KIF9: variants seen among roughly 807,000 people sequenced by gnomAD.
The protein encoded by KIF9 is kinesin-like protein KIF9.
In KIF9, 68 loss-of-function variants were observed where a neutral mutation model predicts 94.8. The observed-to-expected ratio is 0.72, with a 90% CI of 0.59 to 0.88. The LOEUF is 0.88. KIF9 is among the 40% of genes least tolerant of loss of function. The probability of loss-of-function intolerance (pLI) is 0.00; values close to 1 mark genes in which losing one functional copy is unlikely to be tolerated. For missense variants in KIF9, 882 were observed against 982.5 expected (o/e 0.90, Z 1.37); for synonymous variants, 343 against 362.1 (o/e 0.95, Z 0.60).
Position 47,228,376 on chromosome 3 carries a change from A to G in KIF9, c.*276T>C. The G allele has an allele frequency of 2.4e-6, 1 of 420,072 alleles. No individual in the cohort carries two copies. Among genetic ancestry groups the G allele is most frequent in the Non-Finnish European group, 4.4e-6 (1 of 229,634 alleles). The allele number at this position is 420,072 out of a possible 1,614,324, so 26.0% of individuals were successfully genotyped here. A position where few individuals can be genotyped will look rare whatever the true frequency, so the allele number is the denominator to read the frequency against. On this transcript the variant is annotated 3_prime_UTR_variant, in exon 21 of 21. Transcript: ENST00000684063. Reference sequence around the variant, plus strand: ...TGTCCTTTCAGACAGGAAATAAGACAAAGTTCTCAGATGAGCACTGAAAGT... The same window carrying G: ...TGTCCTTTCAGACAGGAAATAAGACGAAGTTCTCAGATGAGCACTGAAAGT...
chr3:47,277,431 T>A, intron 1 of KIF9, 52 bp from the exon 2 acceptor site: 1 of 1,187,228 alleles, frequency 8.4e-7, no homozygotes, highest in Non-Finnish European at 1.3e-6. Context: ...AAATAACAAG[T>A]AGAGGAGAGG....
At chr3:47,236,732 A>G in intron 17 of KIF9, 113 bp from the exon 18 acceptor site, 1 of 914,638 alleles carries the variant, frequency 1.1e-6, no homozygotes, top group Non-Finnish European at 1.7e-6. Flanking sequence ...ACAGGAGACC[A>G]CAGGCAGGGC....
intron 16 of KIF9, among the ~76,000 whole-genome samples, chr3:47,241,695 A>G (rs1027704508): frequency 1.3e-5 from 2 of 149,916 alleles, no homozygotes; most frequent in African/African-American, 4.9e-5. Context: ...GCATATATAC[A>G]TATATGCATA....
In KIF9 at chr3:47,241,882, ATATTTTT is replaced by A. The variant is rs1333518343; in HGVS notation, c.1710-874_1710-868del. ...TATATACACATATATATATATATAT[ATATTTTT>A]TTTTTTTTTTCTTTGGAGACAGCAT... On this transcript the variant is annotated intron_variant, in intron 16 of 20. Coordinates refer to ENST00000684063, the MANE Select transcript of KIF9 (RefSeq NM_182902.4). 3.5e-4 allele frequency among the ~76,000 whole-genome samples: 34 copies of A among 97,280 alleles called. 1 individual carries two copies. The highest frequency in any genetic ancestry group is 9.3e-4 in the Admixed American group (7 of 7,524). 63.8% of individuals were successfully genotyped at this position (97,280 alleles called of 152,430 possible). A position where few individuals can be genotyped will look rare whatever the true frequency, so the allele number is the denominator to read the frequency against.
In KIF9 at chr3:47,269,211, G is replaced by A. The variant is rs76227837; in HGVS notation, c.592-1948C>T. Among the ~76,000 whole-genome samples, 1,229 of 152,310 alleles carry A rather than the reference G, an allele frequency of 8.1e-3. 14 individuals are homozygous for A. Among genetic ancestry groups the A allele is most frequent in the African/African-American group, 0.028 (1,159 of 41,582 alleles). On this transcript the variant is annotated intron_variant, in intron 5 of 20. Transcript: ENST00000684063. ...GTGCCCATTGCCTGGGCAACACAGC[G>A]AGAACTTGCATAAAAAAATAAAGAG...
chr3:47,272,934 T>G (rs1261703643), intron 4 of KIF9, among the ~76,000 whole-genome samples: 3 of 152,204 alleles, frequency 2.0e-5, no homozygotes, highest in African/African-American at 7.2e-5. Context: ...ATAACACTTC[T>G]TATAGGACAG....
intron 3 of KIF9, among the ~76,000 whole-genome samples, chr3:47,274,734 A>G (rs1701854985): frequency 6.6e-6 from 1 of 152,244 alleles, no homozygotes; most frequent in Non-Finnish European, 1.5e-5. Context: ...GAGCATCATG[A>G]AAACCAAAAG....
intron 8 of KIF9, 50 bp from the exon 9 acceptor site, chr3:47,264,400 T>C (rs1363336143): frequency 6.8e-7 from 1 of 1,473,088 alleles, no homozygotes; most frequent in South Asian, 1.1e-5. Context: ...TTTTTTCTGC[T>C]CCAAAGGAGT....
At chr3:47,267,805 G>GT (rs775734518) in intron 5 of KIF9, among the ~76,000 whole-genome samples, 1 of 147,666 alleles carries the variant, frequency 6.8e-6, no homozygotes, top group Non-Finnish European at 1.5e-5. Context: ...AGTTTTGTGG[G>GT]TTTTTTTTAG....
chr3:47,245,363 A>AG (rs1171782194), intron 14 of KIF9, 58 bp downstream of exon 14: 6 of 1,280,378 alleles, frequency 4.7e-6, no homozygotes, highest in Non-Finnish European at 3.4e-6. Context: ...GGCTCTGCAA[A>AG]GGTCTGAGGA....
chr3:47,271,281 G>A lies in KIF9; in HGVS notation c.547C>T (p.His183Tyr). The stretch of plus-strand genomic sequence containing the variant: ...GCATCCTCCTCCTGACTTGTGAGGT[G>A]AACTGACAAGCCCTTAATGAAGACT... ...QGVFIKGLSVHLTSQEEDAFS... is the reference protein window; with the variant it reads ...QGVFIKGLSVYLTSQEEDAFS... Residue 183 changes from histidine to tyrosine, a missense_variant, in exon 5 of 21, where the codon CAC becomes TAC. His to Tyr is a moderately conservative substitution (Grantham distance 83, BLOSUM62 2). Transcript: ENST00000684063. 1 of 1,614,078 alleles carries A rather than the reference G, an allele frequency of 6.2e-7. No individual in the cohort carries two copies. Among genetic ancestry groups the A allele is most frequent in the South Asian group, 1.1e-5 (1 of 91,076 alleles).
At chr3:47,241,968 C>T (rs1575960000) in intron 16 of KIF9, among the ~76,000 whole-genome samples, 2 of 149,634 alleles carry the variant, frequency 1.3e-5, no homozygotes, top group Admixed American at 6.7e-5. Context: ...ACTGTAGCCT[C>T]GAGCTCCTGG....
intron 7 of KIF9, 134 bp from the exon 8 acceptor site, chr3:47,266,011 T>G (rs775597075): frequency 8.3e-5 from 68 of 822,706 alleles, no homozygotes; most frequent in Non-Finnish European, 1.2e-4. Flanking sequence ...ACCAGGGTCT[T>G]CTTTCAATGT....
intron 2 of KIF9, 193 bp downstream of exon 2, chr3:47,277,085 CAATT>C (rs1702023920): frequency 2.5e-6 from 1 of 401,880 alleles, no homozygotes; most frequent in East Asian, 3.7e-5. Context: ...TATTAAAAGA[CAATT>C]AACGATGGGA....
At chr3:47,245,621 G>A in intron 13 of KIF9, 110 bp from the exon 14 acceptor site, 2 of 778,926 alleles carry the variant, frequency 2.6e-6, no homozygotes, top group Non-Finnish European at 4.6e-6. Flanking sequence ...CCCTTGTGTG[G>A]GGCCACACCT....
chr3:47,245,604 G>A (rs1699871696), intron 13 of KIF9, 93 bp from the exon 14 acceptor site: 1 of 917,226 alleles, frequency 1.1e-6, no homozygotes, highest in Non-Finnish European at 1.8e-6. Context: ...AGTCATATGG[G>A]TGAGGCCCCT....
intron 15 of KIF9, 41 bp from the exon 16 acceptor site, chr3:47,243,286 A>G (rs1258819061): frequency 1.3e-6 from 2 of 1,532,426 alleles, no homozygotes; most frequent in African/African-American, 2.7e-5. Flanking sequence ...AGTCATGGAC[A>G]GTGAGTTATC....
intron 5 of KIF9, among the ~76,000 whole-genome samples, chr3:47,268,932 GTCTT>G (rs1701460834): frequency 6.6e-6 from 1 of 151,986 alleles, no homozygotes; most frequent in Non-Finnish European, 1.5e-5. Context: ...CTCTTGCCTT[GTCTT>G]TCTTTTTTTG....
intron 17 of KIF9, chr3:47,240,022 C>A: frequency 3.8e-6 from 4 of 1,040,934 alleles, no homozygotes; most frequent in Non-Finnish European, 5.2e-6. Context: ...AGGTCCTGGG[C>A]CCTGCTCCAT....
Sources: allele counts gnomAD v4.1 joint callset (sites outside exome capture counted in the v4.1 genomes callset), GRCh38; gene constraint gnomAD v4.1.1; transcripts MANE v1.5; gene names NCBI Gene and HGNC (gene_info 2026-07-23, HGNC 2026-07-21).